The following NRDE2 variants were observed in gnomAD, a reference collection of about 807,000 sequenced individuals.
NRDE2 encodes NRDE-2, necessary for RNA interference, domain containing, also known as nuclear exosome regulator NRDE2.
NRDE2 carries 76 observed loss-of-function variants against 124.2 expected under a neutral mutation model. That is an observed-to-expected ratio of 0.61 (90% CI 0.51 to 0.74). The LOEUF (loss-of-function observed/expected upper bound fraction) is 0.74. Ranked by LOEUF, NRDE2 falls within the 30% of genes least tolerant of loss-of-function variation. The pLI, the probability that NRDE2 is intolerant of heterozygous loss-of-function variation, is 0.00. For missense variants in NRDE2, 1,314 were observed against 1,417.3 expected, an observed-to-expected ratio of 0.93 and a Z score of 1.17; for synonymous variants, 489 against 528.1, an observed-to-expected ratio of 0.93 and a Z score of 1.01.
In NRDE2 at chr14:90,322,815, T is replaced by C. The variant is rs915354137; in HGVS notation, c.65-4702A>G. Among the ~76,000 whole-genome samples, 12 of 152,366 alleles carry C rather than the reference T, an allele frequency of 7.9e-5. 1 individual carries two copies. The South Asian group carries it at 8.3e-4, about 11-fold the overall frequency. ...AGAGTTATCTGAGATGAAAAGATGC[T>C]TTATTAATCAGACTGCAAAGTCATT... is the stretch of plus-strand genomic sequence containing the variant. On this transcript the variant is annotated intron_variant, in intron 1 of 13. Transcript: ENST00000354366.
At chr14:90,286,541 C>T (rs763353761) in intron 11 of NRDE2, 49 bp from the exon 12 acceptor site, 3 of 1,591,102 alleles carry the variant, frequency 1.9e-6, no homozygotes, top group Non-Finnish European at 2.6e-6. Context: ...TCTCATCCTA[C>T]ATCACAGAAG....
At chr14:90,279,385 T>C (rs1891892278) in intron 12 of NRDE2, 2 of 422,118 alleles carry the variant, frequency 4.7e-6, no homozygotes, top group East Asian at 4.1e-5. Context: ...ACTACTGACT[T>C]TTTAAAGTCT....
chr14:90,295,996 C>T (rs1008462353), intron 8 of NRDE2, among the ~76,000 whole-genome samples: 28 of 152,174 alleles, frequency 1.8e-4, no homozygotes, highest in African/African-American at 6.8e-4. Context: ...AGAAAACTAA[C>T]TTTACACCTG....
At chr14:90,313,916 G>T (rs559568672) in intron 3 of NRDE2, among the ~76,000 whole-genome samples, 1 of 152,256 alleles carries the variant, frequency 6.6e-6, no homozygotes, top group East Asian at 1.9e-4. Flanking sequence ...ACTGCAGAGG[G>T]CTTCCTGTCT....
intron 4 of NRDE2, among the ~76,000 whole-genome samples, chr14:90,312,159 T>A (rs1190838410): frequency 1.3e-5 from 2 of 152,264 alleles, no homozygotes; most frequent in Non-Finnish European, 2.9e-5. Context: ...GAACGCCTAC[T>A]GTGCCAGGCA....
At chr14:90,307,323 C>A (rs536281801) in intron 4 of NRDE2, among the ~76,000 whole-genome samples, 2 of 152,274 alleles carry the variant, frequency 1.3e-5, no homozygotes, top group East Asian at 3.9e-4. Context: ...TAGGTTATAT[C>A]CAATTTATCA....
At chr14:90,291,993 G>T (rs769260533) in intron 9 of NRDE2, among the ~76,000 whole-genome samples, 6 of 152,378 alleles carry the variant, frequency 3.9e-5, no homozygotes, top group Non-Finnish European at 5.9e-5. Context: ...AAGACACAGA[G>T]TTGGTATCTG....
At position 90,304,256 on chromosome 14, in the gene NRDE2, A is replaced by C; in HGVS notation, c.684T>G (p.Ser228Arg). The C allele has an allele frequency of 6.2e-7, 1 of 1,613,244 alleles. No homozygotes were observed. Among genetic ancestry groups the C allele is most frequent in the Non-Finnish European group, 8.5e-7 (1 of 1,179,816 alleles). The change falls in exon 5 of 14, where the codon AGT (serine) becomes AGG (arginine). Residue 228 changes from serine to arginine, a missense_variant. By Grantham distance (110) the Ser-to-Arg change is moderately radical (BLOSUM62 -1). Transcript: ENST00000354366. ...CTCCATCGATGTTCATTAATCCCAC[A>C]CTCTTCTTAGTAAAATAGCGTTCAA... is the stretch of plus-strand genomic sequence containing the variant. ...KQVERYFTKK[S>R]VGLMNIDGVA...
chr14:90,289,287 T>C (rs1243247927), intron 10 of NRDE2, 142 bp from the exon 11 acceptor site: 4 of 656,654 alleles, frequency 6.1e-6, no homozygotes, highest in Non-Finnish European at 1.0e-5. Flanking sequence ...TGAGGCTCTC[T>C]GAGCTGGAAA....
chr14:90,314,892 G>GGGT lies in NRDE2; in HGVS notation c.407+1683_407+1685dup, dbSNP rs568306408. On this transcript the variant is annotated intron_variant, in intron 3 of 13. Transcript: ENST00000354366. Reference sequence around the variant, plus strand: ...CCTCTAAAGAGCAAGCTTGGGGGCTGGGTGCGGTGGCTCATGGCTGTAATC... The same window carrying GGGT: ...CCTCTAAAGAGCAAGCTTGGGGGCTGGGTGGTGCGGTGGCTCATGGCTGTAATC... 7.4e-3 allele frequency among the ~76,000 whole-genome samples: 1,132 copies of GGGT among 152,130 alleles called. 18 individuals carry two copies. The highest frequency in any genetic ancestry group is 0.026 in the African/African-American group (1,064 of 41,496).
intron 12 of NRDE2, among the ~76,000 whole-genome samples, chr14:90,285,609 T>C (rs1050559672): frequency 7.9e-5 from 12 of 151,852 alleles, no homozygotes; most frequent in African/African-American, 2.9e-4. Flanking sequence ...GCCGGAAATG[T>C]TGATTTTAAA....
At position 90,289,053 on chromosome 14, in the gene NRDE2, T is replaced by G. The variant is rs1378517774; in HGVS notation, c.2322A>C (p.Pro774=). 1.9e-6 allele frequency: 3 copies of G among 1,614,078 alleles called. No homozygotes were observed. The East Asian group carries it at 6.7e-5, about 36-fold the overall frequency. The part of the protein sequence containing the change: ...KKLAKNLLKE[P]ENCNNFCLWK... ...ACAGGCAAAAGTTGTTGCAGTTTTC[T>G]GGCTCCTTAAGGAGATTCTTGGCTA... Residue 774 remains proline (P), a synonymous_variant, in exon 11 of 14, where the codon CCA becomes CCC. Coordinates refer to ENST00000354366, the MANE Select transcript of NRDE2 (RefSeq NM_017970.4).
rs368182425 is a variant in NRDE2, at chr14:90,302,926, T to C, written c.1205A>G (p.Lys402Arg). 1.2e-6 allele frequency: 2 copies of C among 1,614,090 alleles called. No individual in the cohort carries two copies. Among genetic ancestry groups the C allele is most frequent in the East Asian group, 4.5e-5 (2 of 44,894 alleles). ...TEFWEPSTLV[K>R]EWQKLIFLHP... is the part of the protein sequence containing the mutation. ...CAAAAATATCAGTTTCTGCCACTCT[T>C]TGACCAGAGTGGAGGGCTCCCAGAA... Residue 402 changes from lysine (K) to arginine (R), a missense_variant, in exon 6 of 14, where the codon AAA becomes AGA. Physicochemically the swap from Lys to Arg is conservative, Grantham distance 26 (BLOSUM62 2). Coordinates refer to ENST00000354366, the MANE Select transcript of NRDE2 (RefSeq NM_017970.4).
intron 7 of NRDE2, among the ~76,000 whole-genome samples, chr14:90,298,842 T>A (rs774918187): frequency 3.3e-5 from 5 of 152,152 alleles, no homozygotes; most frequent in Non-Finnish European, 5.9e-5. Context: ...CCCGAGCTAA[T>A]TCCTAAAGTC....
intron 3 of NRDE2, among the ~76,000 whole-genome samples, chr14:90,314,094 A>G (rs1236429479): frequency 6.6e-6 from 1 of 152,212 alleles, no homozygotes; most frequent in East Asian, 1.9e-4. Context: ...GTACTGAGCT[A>G]AGGAAGCAGG....
At chr14:90,293,911 A>T (rs1020645793) in intron 8 of NRDE2, among the ~76,000 whole-genome samples, 1 of 152,242 alleles carries the variant, frequency 6.6e-6, no homozygotes, top group Non-Finnish European at 1.5e-5. Flanking sequence ...TTACAAAACT[A>T]AACATGCACT....
At chr14:90,330,123 C>T (rs562444099) in intron 1 of NRDE2, among the ~76,000 whole-genome samples, 41 of 151,426 alleles carry the variant, frequency 2.7e-4, no homozygotes, top group African/African-American at 8.7e-4. Flanking sequence ...AGGAGAATCA[C>T]TTGAACCCAG....
rs138193531 is a variant in NRDE2 at position 90,322,063 on chromosome 14, C to T, written c.65-3950G>A. ...TCTTCATCCAGTTCTCTCCACCCCACGCCACGGAGCTTCTCTTCACTTCCT... is the reference window on the plus strand; with the variant it reads ...TCTTCATCCAGTTCTCTCCACCCCATGCCACGGAGCTTCTCTTCACTTCCT... On this transcript the variant is annotated intron_variant, in intron 1 of 13. Transcript: ENST00000354366. Among the ~76,000 whole-genome samples the T allele has an allele frequency of 7.7e-3, 1,165 of 152,276 alleles. 7 individuals carry two copies. The highest frequency in any genetic ancestry group is 0.012 in the Non-Finnish European group (786 of 68,006).
rs764288867 is a variant in NRDE2, at chr14:90,316,621, A to T, written c.364T>A (p.Ser122Thr). 14 of 1,613,868 alleles carry T rather than the reference A, an allele frequency of 8.7e-6. No individual in the cohort carries two copies. Among genetic ancestry groups the T allele is most frequent in the Middle Eastern group, 1.6e-4 (1 of 6,082 alleles). ...TDTDSEKDKPSRGVGGSKKES... is the reference protein window; with the variant it reads ...TDTDSEKDKPTRGVGGSKKES... ...TTTTTACTGCCTCCAACGCCTCTGG[A>T]AGGTTTGTCCTTTTCAGAATCGGTG... The change falls in exon 3 of 14, where the codon TCC becomes ACC. Residue 122 changes from serine (S) to threonine (T), a missense_variant. Physicochemically the swap from Ser to Thr is moderately conservative, Grantham distance 58. Coordinates refer to ENST00000354366, the MANE Select transcript of NRDE2 (RefSeq NM_017970.4).
Sources: gnomAD v4.1 joint callset for allele counts (sites outside exome capture counted in the v4.1 genomes callset) on GRCh38, gnomAD v4.1.1 for gene constraint, MANE v1.5 for transcripts, NCBI Gene and HGNC (gene_info 2026-07-23, HGNC 2026-07-21) for gene names.